The following HDAC9 variants were observed in gnomAD, a reference collection of about 807,000 sequenced individuals.
HDAC9 encodes MEF-2 interacting transcription repressor (MITR) protein.
HDAC9 carries 41 observed loss-of-function variants against 139.4 expected under a neutral mutation model. That is an observed-to-expected ratio of 0.29 (90% CI 0.23 to 0.38). The LOEUF (loss-of-function observed/expected upper bound fraction) is 0.38, where lower values mean the gene tolerates loss of function less well. HDAC9 is among the 10% of genes least tolerant of loss of function. The pLI is 1.00. For missense variants in HDAC9, 1,147 were observed against 1,297.0 expected, an observed-to-expected ratio of 0.88 and a Z score of 1.78; for synonymous variants, 517 against 476.2, an observed-to-expected ratio of 1.09 and a Z score of -1.12.
At chr7:18,641,652 C>G (rs1260122160) in intron 8 of HDAC9, among the ~76,000 whole-genome samples, 2 of 152,066 alleles carry the variant, frequency 1.3e-5, no homozygotes, top group African/African-American at 4.8e-5. Context: ...AAAGTATTGG[C>G]ATCATAGCAA....
chr7:18,898,716 G>GA (rs1283625130), intron 22 of HDAC9, among the ~76,000 whole-genome samples: 1 of 151,622 alleles, frequency 6.6e-6, no homozygotes, highest in South Asian at 2.1e-4. Context: ...CATTTGAATG[G>GA]AAAAAAAGGA....
chr7:18,530,477 G>A (rs1023258818), intron 2 of HDAC9, among the ~76,000 whole-genome samples: 3 of 151,820 alleles, frequency 2.0e-5, no homozygotes, highest in Non-Finnish European at 4.4e-5. Flanking sequence ...CTAATGCTGT[G>A]TAGCTCTAAC....
intron 14 of HDAC9, among the ~76,000 whole-genome samples, chr7:18,758,475 A>G (rs543145438): frequency 1.3e-5 from 2 of 152,322 alleles, no homozygotes; most frequent in South Asian, 4.1e-4. Context: ...AAATATGAGA[A>G]GTGATTACGT....
chr7:18,179,867 A>G (rs749937837), intron 2 of HDAC9, among the ~76,000 whole-genome samples: 1 of 152,166 alleles, frequency 6.6e-6, no homozygotes, highest in African/African-American at 2.4e-5. Flanking sequence ...AAAGTATCAC[A>G]TGTTCATTTA....
intron 12 of HDAC9, among the ~76,000 whole-genome samples, chr7:18,707,268 A>G (rs1025230349): frequency 6.6e-6 from 1 of 152,250 alleles, no homozygotes; most frequent in African/African-American, 2.4e-5. Flanking sequence ...TATCTTTAAC[A>G]TAGGTAAAGA....
intron 1 of HDAC9, among the ~76,000 whole-genome samples, chr7:18,094,648 G>T (rs1034139384): frequency 1.3e-5 from 2 of 151,942 alleles, no homozygotes; most frequent in African/African-American, 4.8e-5. Context: ...TGTGGAAGGG[G>T]TCTTGCTGTA....
At chr7:18,881,187 ACATG>A (rs1799712819) in intron 22 of HDAC9, among the ~76,000 whole-genome samples, 1 of 152,172 alleles carries the variant, frequency 6.6e-6, no homozygotes, top group Non-Finnish European at 1.5e-5. Flanking sequence ...CAATGCGTGT[ACATG>A]CTTTATCCCA....
intron 2 of HDAC9, among the ~76,000 whole-genome samples, chr7:18,229,687 G>A (rs996858744): frequency 6.6e-6 from 1 of 152,160 alleles, no homozygotes; most frequent in Non-Finnish European, 1.5e-5. Flanking sequence ...AAGGTAGAGT[G>A]AGATACAAAA....
chr7:18,842,433 G>C (rs1562981155), intron 21 of HDAC9, among the ~76,000 whole-genome samples: 2 of 152,090 alleles, frequency 1.3e-5, no homozygotes, highest in African/African-American at 4.8e-5. Context: ...ATCAATCTTA[G>C]TAACAAAGCA....
At chr7:18,962,742 C>T (rs545732330) in intron 24 of HDAC9, among the ~76,000 whole-genome samples, 29 of 152,232 alleles carry the variant, frequency 1.9e-4, no homozygotes, top group African/African-American at 5.3e-4. Flanking sequence ...CTAGGACGTA[C>T]TAGAAGAAAG....
intron 7 of HDAC9, among the ~76,000 whole-genome samples, chr7:18,631,066 G>A (rs927329303): frequency 6.6e-6 from 1 of 151,964 alleles, no homozygotes; most frequent in African/African-American, 2.4e-5. Flanking sequence ...CTGTTTTCTT[G>A]ATCATAGCTT....
chr7:18,886,064 A>G (rs1423739890), intron 22 of HDAC9, among the ~76,000 whole-genome samples: 1 of 152,240 alleles, frequency 6.6e-6, no homozygotes, highest in Non-Finnish European at 1.5e-5. Flanking sequence ...TTAAGAAGGC[A>G]AACCTGTCAG....
At chr7:18,704,188 TA>T (rs538452505) in intron 12 of HDAC9, among the ~76,000 whole-genome samples, 72 of 152,328 alleles carry the variant, frequency 4.7e-4, no homozygotes, top group Non-Finnish European at 8.4e-4. Context: ...AACATAGCCT[TA>T]GCCAGATTTA....
chr7:18,591,739 A>C (rs1013008522), intron 5 of HDAC9, 97 bp downstream of exon 5: 2 of 1,494,550 alleles, frequency 1.3e-6, no homozygotes, highest in African/African-American at 2.8e-5. Context: ...GCCATTTCTC[A>C]GCTGTCTGGC....
At chr7:18,298,208 A>G (rs1432814677) in intron 1 of HDAC9, among the ~76,000 whole-genome samples, 1 of 152,120 alleles carries the variant, frequency 6.6e-6, no homozygotes, top group Non-Finnish European at 1.5e-5. Flanking sequence ...TATTTTCACA[A>G]GTACTTTTCT....
At chr7:18,101,607 T>C (rs891402782) in intron 1 of HDAC9, among the ~76,000 whole-genome samples, 2 of 152,224 alleles carry the variant, frequency 1.3e-5, no homozygotes, top group Non-Finnish European at 2.9e-5. Flanking sequence ...TATTTTGATA[T>C]TCTACATCTT....
At chr7:18,318,736 G>GTTCATA (rs1799826062) in intron 1 of HDAC9, among the ~76,000 whole-genome samples, 1 of 152,112 alleles carries the variant, frequency 6.6e-6, no homozygotes, top group South Asian at 2.1e-4. Flanking sequence ...AGAGACCTGG[G>GTTCATA]TTCATACTTT....
At chr7:18,272,958 A>G (rs1272873426) in intron 2 of HDAC9, among the ~76,000 whole-genome samples, 4 of 99,816 alleles carry the variant, frequency 4.0e-5, no homozygotes, top group Non-Finnish European at 8.7e-5. Flanking sequence ...TACTACTACT[A>G]CTACTACTAT....
At chr7:18,841,776 C>T (rs112727994) in intron 21 of HDAC9, among the ~76,000 whole-genome samples, 35 of 152,218 alleles carry the variant, frequency 2.3e-4, no homozygotes, top group African/African-American at 7.7e-4. Flanking sequence ...TTTAGACTTT[C>T]ACTACCCTTG....
Sources: allele counts gnomAD v4.1 joint callset (sites outside exome capture counted in the v4.1 genomes callset), GRCh38; gene constraint gnomAD v4.1.1; transcripts MANE v1.5; gene names NCBI Gene and HGNC (gene_info 2026-07-23, HGNC 2026-07-21).